Variants in VEPH1 observed in about 807,000 individuals in gnomAD.
VEPH1 encodes ventricular zone expressed PH domain containing 1.
A neutral mutation model predicts 85.2 loss-of-function variants in VEPH1; 80 were observed. The observed-to-expected ratio is 0.94, with a 90% CI of 0.78 to 1.13. The LOEUF (loss-of-function observed/expected upper bound fraction) is 1.13, where lower values mean the gene tolerates loss of function less well. Ranked by LOEUF, VEPH1 falls within the 50% of genes most tolerant of loss-of-function variation. VEPH1 has a pLI of 0.00. For synonymous variants in VEPH1, 297 were observed against 348.0 expected, an observed-to-expected ratio of 0.85 and a Z score of 1.63; for missense variants, 955 against 980.5, an observed-to-expected ratio of 0.97 and a Z score of 0.35.
chr3:157,330,113 A>G (rs1722341933), intron 9 of VEPH1, among the ~76,000 whole-genome samples: 1 of 152,198 alleles, frequency 6.6e-6, no homozygotes, highest in African/African-American at 2.4e-5. Context: ...CTTTTCTTTC[A>G]AGTCTTTAGA....
intron 12 of VEPH1, among the ~76,000 whole-genome samples, chr3:157,284,670 A>G (rs1368206116): frequency 7.1e-5 from 5 of 70,294 alleles, no homozygotes; most frequent in Non-Finnish European, 1.7e-4. Context: ...GTTTTGGTGA[A>G]AAAAAAAAAA....
At chr3:157,345,443 T>C (rs1301965831) in intron 9 of VEPH1, among the ~76,000 whole-genome samples, 1 of 152,242 alleles carries the variant, frequency 6.6e-6, no homozygotes, top group African/African-American at 2.4e-5. Context: ...TCATCATCAC[T>C]GGCCATCAGA....
intron 6 of VEPH1, 23 bp downstream of exon 6, chr3:157,413,858 G>A: frequency 6.2e-7 from 1 of 1,609,830 alleles, no homozygotes; most frequent in Non-Finnish European, 8.5e-7. Context: ...TCAGGGGAAT[G>A]GAGAGAAAAA....
At chr3:157,380,884 GTAAA>G in intron 7 of VEPH1, among the ~76,000 whole-genome samples, 1 of 152,292 alleles carries the variant, frequency 6.6e-6, no homozygotes, top group South Asian at 2.1e-4. Context: ...TGCTTGTTGA[GTAAA>G]TAAACGGGTG....
At chr3:157,444,114 C>T (rs936204382) in intron 4 of VEPH1, among the ~76,000 whole-genome samples, 2 of 152,126 alleles carry the variant, frequency 1.3e-5, no homozygotes, top group Non-Finnish European at 2.9e-5. Context: ...TAACTTTTCC[C>T]CACCACACTA....
intron 9 of VEPH1, among the ~76,000 whole-genome samples, chr3:157,349,709 T>A (rs1189207594): frequency 6.6e-6 from 1 of 152,012 alleles, no homozygotes; most frequent in Non-Finnish European, 1.5e-5. Flanking sequence ...AAATCATTAG[T>A]GTTTCTATAC....
intron 9 of VEPH1, among the ~76,000 whole-genome samples, chr3:157,322,966 A>G (rs1284887433): frequency 1.3e-5 from 2 of 152,236 alleles, no homozygotes; most frequent in African/African-American, 2.4e-5. Flanking sequence ...GAAGTCAACC[A>G]TAAGTTCCAA....
At chr3:157,413,314 A>T in intron 6 of VEPH1, 1 of 280,394 alleles carries the variant, frequency 3.6e-6, no homozygotes, top group Non-Finnish European at 5.4e-6. Context: ...TAGTACTTTT[A>T]AACATCCACA....
At chr3:157,315,631 A>G (rs1275830405) in intron 10 of VEPH1, among the ~76,000 whole-genome samples, 1 of 152,080 alleles carries the variant, frequency 6.6e-6, no homozygotes. Context: ...AAATGACACA[A>G]TATCATAAGT....
chr3:157,272,272 CCTT>C (rs1714678967), intron 12 of VEPH1, among the ~76,000 whole-genome samples: 6 of 39,608 alleles, frequency 1.5e-4, no homozygotes, highest in African/African-American at 3.5e-4. Flanking sequence ...TTCCTTCCTT[CCTT>C]CCTTCCTTCC....
chr3:157,493,541 AG>A (rs1328312829), intron 2 of VEPH1, among the ~76,000 whole-genome samples: 1 of 152,196 alleles, frequency 6.6e-6, no homozygotes, highest in East Asian at 1.9e-4. Context: ...GTTCCATGAG[AG>A]GGTTACAGAT....
chr3:157,405,778 AG>A (rs1354042261), intron 6 of VEPH1, among the ~76,000 whole-genome samples: 3 of 152,206 alleles, frequency 2.0e-5, no homozygotes, highest in African/African-American at 7.2e-5. Flanking sequence ...TTCAAAATTC[AG>A]TAACAGCAAG....
At chr3:157,442,587 G>A in intron 4 of VEPH1, 1 of 1,614,244 alleles carries the variant, frequency 6.2e-7, no homozygotes, top group East Asian at 2.2e-5. Context: ...GGTGGGTGGA[G>A]AGGAGAACAA....
At chr3:157,500,987 G>A (rs1447159400) in intron 1 of VEPH1, among the ~76,000 whole-genome samples, 1 of 152,122 alleles carries the variant, frequency 6.6e-6, no homozygotes, top group African/African-American at 2.4e-5. Flanking sequence ...ACAGAGCCTG[G>A]CATATGGCAA....
In VEPH1 at chr3:157,265,562, C is replaced by T. The variant is rs1403499233; in HGVS notation, c.2229G>A (p.Leu743=). ...TTTGAAACAGAAGTTGATTTCCAGC[C>T]AGTGTAAAATAGCGTGTTTTCCACC... ...IKRWKTRYFT[L]AGNQLLFQKG... The change falls in exon 13 of 14, where the codon CTG becomes CTA. Residue 743 remains leucine, a synonymous_variant. Coordinates refer to ENST00000362010, the MANE Select transcript of VEPH1 (RefSeq NM_001167912.2). The T allele has an allele frequency of 5.0e-6, 8 of 1,612,598 alleles. No individual in the cohort carries two copies. The highest frequency in any genetic ancestry group is 6.8e-6 in the Non-Finnish European group (8 of 1,179,042).
intron 11 of VEPH1, among the ~76,000 whole-genome samples, chr3:157,295,935 A>G (rs1314983253): frequency 1.3e-5 from 2 of 152,236 alleles, no homozygotes; most frequent in Non-Finnish European, 2.9e-5. Context: ...AGCCTGGGCA[A>G]CAGAGTGAGA....
At chr3:157,412,716 C>G (rs1366144968) in intron 6 of VEPH1, among the ~76,000 whole-genome samples, 1 of 152,108 alleles carries the variant, frequency 6.6e-6, no homozygotes, top group Non-Finnish European at 1.5e-5. Context: ...GAGAAATCCC[C>G]TTTGAAGATC....
chr3:157,380,657 A>C (rs572152509), intron 7 of VEPH1, among the ~76,000 whole-genome samples: 2 of 152,278 alleles, frequency 1.3e-5, no homozygotes, highest in East Asian at 3.9e-4. Flanking sequence ...TACATACTCT[A>C]TCTCTGTATT....
At chr3:157,313,538 T>A (rs1277094224) in intron 11 of VEPH1, 83 bp downstream of exon 11, 1 of 1,479,828 alleles carries the variant, frequency 6.8e-7, no homozygotes, top group Non-Finnish European at 9.1e-7. Flanking sequence ...AAGGATGAAA[T>A]TTAATTGCTA....
Sources: gnomAD v4.1 joint callset for allele counts (sites outside exome capture counted in the v4.1 genomes callset) on GRCh38, gnomAD v4.1.1 for gene constraint, MANE v1.5 for transcripts, NCBI Gene and HGNC (gene_info 2026-07-23, HGNC 2026-07-21) for gene names.